Variants in CAMK4 observed in about 807,000 individuals in gnomAD.
CAMK4 encodes the protein calcium/calmodulin-dependent protein kinase type IV.
A neutral mutation model predicts 44.9 loss-of-function variants in CAMK4; 22 were observed. The observed-to-expected ratio is 0.49, with a 90% CI of 0.35 to 0.70. The LOEUF is 0.70. CAMK4 is among the 30% of genes least tolerant of loss of function. CAMK4 has a pLI of 0.01. For missense variants in CAMK4, 498 were observed against 586.8 expected, an observed-to-expected ratio of 0.85 and a Z score of 1.56; for synonymous variants, 218 against 215.4, an observed-to-expected ratio of 1.01 and a Z score of -0.11.
At chr5:111,230,678 A>G (rs1387484783) in intron 1 of CAMK4, among the ~76,000 whole-genome samples, 7 of 152,186 alleles carry the variant, frequency 4.6e-5, no homozygotes, top group African/African-American at 1.7e-4. Context: ...ACTTTCTTGT[A>G]AACACTTTAC....
intron 7 of CAMK4, among the ~76,000 whole-genome samples, chr5:111,461,736 C>A (rs1754648549): frequency 7.1e-6 from 1 of 140,418 alleles, no homozygotes; most frequent in Non-Finnish European, 1.5e-5. Flanking sequence ...TTTAGAGAGA[C>A]TCTAGATGCT....
chr5:111,311,993 G>A (rs574001544), intron 1 of CAMK4, among the ~76,000 whole-genome samples: 3 of 152,302 alleles, frequency 2.0e-5, no homozygotes, highest in South Asian at 4.1e-4. Flanking sequence ...AAAAGTCAAA[G>A]ATCTAAAAAT....
intron 5 of CAMK4, among the ~76,000 whole-genome samples, chr5:111,428,692 A>G (rs1013506375): frequency 3.3e-5 from 5 of 152,164 alleles, no homozygotes; most frequent in Non-Finnish European, 7.4e-5. Flanking sequence ...CAGAGAAGAC[A>G]AAAGAATAAA....
At chr5:111,356,515 C>G (rs1750363017) in intron 2 of CAMK4, among the ~76,000 whole-genome samples, 1 of 152,196 alleles carries the variant, frequency 6.6e-6, no homozygotes, top group Non-Finnish European at 1.5e-5. Flanking sequence ...TAATTAGATC[C>G]CATTTGTCAA....
chr5:111,265,128 A>G (rs1750178027), intron 1 of CAMK4, among the ~76,000 whole-genome samples: 3 of 152,142 alleles, frequency 2.0e-5, no homozygotes, highest in Non-Finnish European at 4.4e-5. Context: ...TGTAAGCCCC[A>G]TGAAGGCAAG....
In CAMK4 at chr5:111,236,431, A is replaced by G. The variant is rs1580460596; in HGVS notation, c.161+11787A>G. On this transcript the variant is annotated intron_variant, in intron 1 of 10. Coordinates refer to ENST00000282356, the MANE Select transcript of CAMK4 (RefSeq NM_001744.6). ...TACCAGGTGTTTATCACCAGCACCA[A>G]TTCACAAGGATGAGCCTGAGGCTCA... Among the ~76,000 whole-genome samples the G allele has an allele frequency of 2.6e-5, 4 of 152,384 alleles. 1 individual carries two copies. In the South Asian group the frequency reaches 8.3e-4, roughly 32 times the overall value.
Position 111,484,006 on chromosome 5 carries a change from ACT to A in CAMK4, c.982-17_982-16del, listed in dbSNP as rs761151285. 2.6e-6 allele frequency: 4 copies of A among 1,534,674 alleles called. No individual in the cohort carries two copies. The highest frequency in any genetic ancestry group is 3.5e-6 in the Non-Finnish European group (4 of 1,140,342). On this transcript the variant is annotated intron_variant, in intron 10 of 10. Coordinates refer to ENST00000282356, the MANE Select transcript of CAMK4 (RefSeq NM_001744.6). This position sits in a 1 kb window ranked among gnomAD's most constrained non-coding sequence, Gnocchi z 5.3. The stretch of plus-strand genomic sequence containing the variant: ...TGTTAAAGCAGAGGTAACACTTGAC[ACT>A]CTTCTGTTTCCAATCAGGCAGCGGT...
At chr5:111,328,658 C>G (rs1580599345) in intron 1 of CAMK4, among the ~76,000 whole-genome samples, 1 of 151,958 alleles carries the variant, frequency 6.6e-6, no homozygotes, top group Non-Finnish European at 1.5e-5. Flanking sequence ...GAATGTTCTT[C>G]CATTTGTTTG....
intron 1 of CAMK4, among the ~76,000 whole-genome samples, chr5:111,238,805 CTTCTTTTTTTTTT>C (rs1202127895): frequency 6.8e-5 from 7 of 103,176 alleles, no homozygotes; most frequent in African/African-American, 2.9e-4. Flanking sequence ...CTCAGAGGCT[CTTCTTTTTTTTTT>C]TTTTTTTTTT....
intron 5 of CAMK4, among the ~76,000 whole-genome samples, chr5:111,427,856 A>G (rs1309033191): frequency 6.6e-6 from 1 of 152,262 alleles, no homozygotes; most frequent in Non-Finnish European, 1.5e-5. Flanking sequence ...GCTTTGCCAC[A>G]TGCTGATTGT....
chr5:111,266,381 T>G (rs1750248224), intron 1 of CAMK4, among the ~76,000 whole-genome samples: 1 of 152,194 alleles, frequency 6.6e-6, no homozygotes, highest in South Asian at 2.1e-4. Flanking sequence ...AGCTACACTT[T>G]GGGGAATAGA....
chr5:111,272,733 ACG>A (rs553587251), intron 1 of CAMK4, among the ~76,000 whole-genome samples: 73 of 152,298 alleles, frequency 4.8e-4, no homozygotes, highest in African/African-American at 1.7e-3. Flanking sequence ...CTGAGAATAG[ACG>A]CTTTGATAGA....
chr5:111,338,724 T>C (rs1340580056), intron 1 of CAMK4, among the ~76,000 whole-genome samples: 1 of 151,480 alleles, frequency 6.6e-6, no homozygotes, highest in African/African-American at 2.4e-5. Flanking sequence ...GGGAGAACTT[T>C]TCCCATTGCT....
intron 5 of CAMK4, among the ~76,000 whole-genome samples, chr5:111,417,920 T>C (rs1381785570): frequency 6.6e-6 from 1 of 152,206 alleles, no homozygotes; most frequent in Non-Finnish European, 1.5e-5. Flanking sequence ...TTGGAGACTA[T>C]TGTAATATTT....
intron 4 of CAMK4, among the ~76,000 whole-genome samples, chr5:111,387,898 C>T (rs184808055): frequency 6.6e-6 from 1 of 152,168 alleles, no homozygotes; most frequent in African/African-American, 2.4e-5. Context: ...TTTTCCTTTG[C>T]TTGGTCACTA....
In CAMK4 at chr5:111,405,093, G is replaced by C. The variant is rs575008140; in HGVS notation, c.459+10311G>C. ...CTTAGTGATTCAAAGTCATCAGAGA[G>C]GGAATACGCTATTTGATGTATCTAG... On this transcript the variant is annotated intron_variant, in intron 5 of 10. Coordinates refer to ENST00000282356, the MANE Select transcript of CAMK4 (RefSeq NM_001744.6). Among the ~76,000 whole-genome samples, 15 of 152,310 alleles carry C rather than the reference G, an allele frequency of 9.8e-5. No individual in the cohort carries two copies. In the East Asian group the frequency reaches 1.5e-3, roughly 16 times the overall value.
At position 111,493,419 on chromosome 5, in the gene CAMK4, C is replaced by T. The variant is rs567428757; in HGVS notation, c.*8953C>T. ...AATTTCTGAAAAATGTCTCATGACT[C>T]CAAAAAATCACGTACTTCCTAAAAT... On this transcript the variant is annotated 3_prime_UTR_variant, in exon 11 of 11. Coordinates refer to ENST00000282356, the MANE Select transcript of CAMK4 (RefSeq NM_001744.6). The surrounding 1 kb of genome is among the most constrained non-coding windows in gnomAD (Gnocchi z 4.1). 6.6e-6 allele frequency: 1 copy of T among 152,208 alleles called. No homozygotes were observed. The highest frequency in any genetic ancestry group is 1.9e-4 in the East Asian group (1 of 5,186). The allele number at this position is 152,208 out of a possible 1,614,324, so 9.4% of individuals were successfully genotyped here.
chr5:111,246,806 T>C (rs1324532309), intron 1 of CAMK4, among the ~76,000 whole-genome samples: 1 of 152,192 alleles, frequency 6.6e-6, no homozygotes, highest in African/African-American at 2.4e-5. Context: ...GTTTATGTCA[T>C]TCAGGGTCTA....
intron 4 of CAMK4, 50 bp downstream of exon 4, chr5:111,376,992 C>CAAAA: frequency 8.7e-7 from 1 of 1,145,648 alleles, no homozygotes; most frequent in Non-Finnish European, 1.3e-6. Context: ...TTTTGGCCAC[C>CAAAA]AAAAAATAAT....
Sources: allele counts gnomAD v4.1 joint callset (sites outside exome capture counted in the v4.1 genomes callset), GRCh38; gene constraint gnomAD v4.1.1; non-coding constraint Gnocchi (gnomAD v3.1); transcripts MANE v1.5; gene names NCBI Gene and HGNC (gene_info 2026-07-23, HGNC 2026-07-21).